FASTKD2: variants seen among roughly 807,000 people sequenced by gnomAD.
The protein encoded by FASTKD2 is FAST kinase domain-containing protein 2, mitochondrial.
FASTKD2 carries 51 observed loss-of-function variants against 63.6 expected under a neutral mutation model. The ratio of observed to expected loss-of-function variants is 0.80; its 90% confidence interval spans 0.64 to 1.01. The LOEUF (loss-of-function observed/expected upper bound fraction) is 1.01, where lower values mean the gene tolerates loss of function less well. Among genes scored for constraint, FASTKD2 ranks in the 50% least tolerant of loss-of-function variants. The probability of loss-of-function intolerance (pLI) is 0.00; values close to 1 mark genes in which losing one functional copy is unlikely to be tolerated. For synonymous variants in FASTKD2, 284 were observed against 293.4 expected (o/e 0.97, Z 0.33); for missense variants, 786 against 831.1 (o/e 0.95, Z 0.67).
chr2:206,779,155 A>G (rs1689901712), intron 7 of FASTKD2, among the ~76,000 whole-genome samples: 1 of 152,090 alleles, frequency 6.6e-6, no homozygotes, highest in Non-Finnish European at 1.5e-5. Flanking sequence ...CCTTGTGACA[A>G]TTTTTAACTT....
intron 7 of FASTKD2, among the ~76,000 whole-genome samples, chr2:206,784,918 A>G (rs1690096471): frequency 3.3e-5 from 5 of 152,248 alleles, no homozygotes; most frequent in South Asian, 4.1e-4. Context: ...TAAATATAGC[A>G]TGAAAATTCG....
At position 206,786,814 on chromosome 2, in the gene FASTKD2, T is replaced by C; in HGVS notation, c.1509T>C (p.Tyr503=). The change falls in exon 8 of 12, where the codon TAT becomes TAC. Residue 503 remains tyrosine, a synonymous_variant. Coordinates refer to ENST00000402774, the MANE Select transcript of FASTKD2 (RefSeq NM_001136193.2). ...ISSENLLDAV[Y]SFCLMNYFPL... ...CTGAAAACTTATTGGATGCAGTATA[T>C]TCATTTTGCTTGATGAATTACTTTC... 6.2e-7 allele frequency: 1 copy of C among 1,613,606 alleles called. No individual in the cohort carries two copies. The highest frequency in any genetic ancestry group is 1.1e-5 in the South Asian group (1 of 91,062).
At chr2:206,780,527 T>C (rs1689944527) in intron 7 of FASTKD2, among the ~76,000 whole-genome samples, 1 of 152,184 alleles carries the variant, frequency 6.6e-6, no homozygotes, top group Non-Finnish European at 1.5e-5. Context: ...GAGATACGAG[T>C]TGCTTTTAAA....
rs1689717739 is a variant in FASTKD2, at chr2:206,772,696, A to G, written c.1254+376A>G. Among the ~76,000 whole-genome samples, 3 of 152,208 alleles carry G rather than the reference A, an allele frequency of 2.0e-5. No individual in the cohort carries two copies. The South Asian group carries it at 6.2e-4, about 31-fold the overall frequency. ...GTCGCAGCTCCCAATCAGCTGTGCA[A>G]TCATGAGGGTAAACAATGCATATTG... On this transcript the variant is annotated intron_variant, in intron 6 of 11. Transcript: ENST00000402774.
At chr2:206,774,867 T>C (rs756768358) in intron 7 of FASTKD2, among the ~76,000 whole-genome samples, 5 of 152,076 alleles carry the variant, frequency 3.3e-5, no homozygotes, top group African/African-American at 4.8e-5. Context: ...TCATCTTGCA[T>C]AACTGAAACT....
At chr2:206,790,428 A>T (rs1559367270) in intron 10 of FASTKD2, 144 bp from the exon 11 acceptor site, 1 of 677,092 alleles carries the variant, frequency 1.5e-6, no homozygotes, top group Non-Finnish European at 2.7e-6. Context: ...GAGGCCAAGT[A>T]AAAGAAGTGA....
Position 206,771,164 on chromosome 2 carries a change from T to C in FASTKD2, c.882-18T>C. 1.5e-6 allele frequency: 2 copies of C among 1,348,202 alleles called. No homozygotes were observed. Among genetic ancestry groups the C allele is most frequent in the South Asian group, 1.2e-5 (1 of 85,290 alleles). 83.5% of individuals were successfully genotyped at this position (1,348,202 alleles called of 1,614,324 possible). On this transcript the variant is annotated intron_variant, in intron 3 of 11. Coordinates refer to ENST00000402774, the MANE Select transcript of FASTKD2 (RefSeq NM_001136193.2). ...TTGAAGATTCTATGATTTTAATATTTATTGTGTTTGATAACAGAATACTAG... is the reference window on the plus strand; with the variant it reads ...TTGAAGATTCTATGATTTTAATATTCATTGTGTTTGATAACAGAATACTAG...
rs374514214 is a variant in FASTKD2 at position 206,791,757 on chromosome 2, A to T, written c.2088A>T (p.Val696=). Residue 696 remains valine (V), a synonymous_variant, in exon 12 of 12, where the codon GTA becomes GTT. Coordinates refer to ENST00000402774, the MANE Select transcript of FASTKD2 (RefSeq NM_001136193.2). Reference sequence around the variant, plus strand: ...TTTTGAAGACTAAAATCTATTCAGTAGAAGCTCTTCCTGTTGCTGCTGTAA... The same window carrying T: ...TTTTGAAGACTAAAATCTATTCAGTTGAAGCTCTTCCTGTTGCTGCTGTAA... ...VTFLKTKIYS[V]EALPVAAVNV... 4 of 1,613,046 alleles carry T rather than the reference A, an allele frequency of 2.5e-6. No homozygotes were observed. The highest frequency in any genetic ancestry group is 3.4e-6 in the Non-Finnish European group (4 of 1,179,324).
intron 7 of FASTKD2, among the ~76,000 whole-genome samples, chr2:206,774,970 A>G (rs1689783591): frequency 6.6e-6 from 1 of 151,964 alleles, no homozygotes; most frequent in African/African-American, 2.4e-5. Flanking sequence ...TGACCTTTTT[A>G]GATACTTTAT....
intron 8 of FASTKD2, among the ~76,000 whole-genome samples, chr2:206,787,543 A>G (rs1407215039): frequency 1.3e-5 from 2 of 152,234 alleles, no homozygotes; most frequent in African/African-American, 4.8e-5. Context: ...GTCAGTCAAT[A>G]ATACCACGTG....
intron 9 of FASTKD2, 84 bp downstream of exon 9, chr2:206,788,239 G>T: frequency 1.1e-6 from 1 of 939,126 alleles, no homozygotes; most frequent in South Asian, 1.5e-5. Flanking sequence ...ATTTGTGGCA[G>T]CAGTTTAGTG....
At chr2:206,772,568 C>T (rs1003577852) in intron 6 of FASTKD2, among the ~76,000 whole-genome samples, 6 of 152,188 alleles carry the variant, frequency 3.9e-5, no homozygotes, top group East Asian at 1.9e-4. Context: ...AAAAGCAATA[C>T]GCATTCAGTA....
rs1690445157 is a variant in FASTKD2 at position 206,796,029 on chromosome 2, G to A, written c.*4227G>A. 6.6e-6 allele frequency among the ~76,000 whole-genome samples: 1 copy of A among 152,134 alleles called. No individual in the cohort carries two copies. The highest frequency in any genetic ancestry group is 2.4e-5 in the African/African-American group (1 of 41,424). On this transcript the variant is annotated 3_prime_UTR_variant, in exon 12 of 12. Transcript: ENST00000402774. ...TTTCCATTCATCTTGTAAGCAGGAG[G>A]CTTCTGTGCATGGCCAGAAACTAAC...
intron 7 of FASTKD2, among the ~76,000 whole-genome samples, chr2:206,784,426 C>T (rs1463089195): frequency 1.3e-5 from 2 of 152,238 alleles, no homozygotes; most frequent in African/African-American, 2.4e-5. Flanking sequence ...TGTATACCCA[C>T]ATGCTATACA....
intron 7 of FASTKD2, among the ~76,000 whole-genome samples, chr2:206,784,112 T>A (rs1214050699): frequency 6.6e-6 from 1 of 152,244 alleles, no homozygotes. Context: ...GATTAATTAG[T>A]CACCATTTCC....
In FASTKD2 at chr2:206,795,790, C is replaced by A. The variant is rs765850153; in HGVS notation, c.*3988C>A. ...TCTAGAAGAGCAATAACAGAGACCC[C>A]AGGGTGTGGTGTGGCAGGACGAGGA... On this transcript the variant is annotated 3_prime_UTR_variant, in exon 12 of 12. Coordinates refer to ENST00000402774, the MANE Select transcript of FASTKD2 (RefSeq NM_001136193.2). Among the ~76,000 whole-genome samples the A allele has an allele frequency of 6.6e-6, 1 of 152,202 alleles. No homozygotes were observed. Among genetic ancestry groups the A allele is most frequent in the Non-Finnish European group, 1.5e-5 (1 of 68,034 alleles).
At chr2:206,786,616 A>G in intron 7 of FASTKD2, 117 bp from the exon 8 acceptor site, 1 of 883,264 alleles carries the variant, frequency 1.1e-6, no homozygotes. Flanking sequence ...CCAACTGTCC[A>G]GAATGATGTG....
intron 4 of FASTKD2, 83 bp from the exon 5 acceptor site, chr2:206,771,811 C>G: frequency 8.7e-7 from 1 of 1,151,510 alleles, no homozygotes; most frequent in Non-Finnish European, 1.3e-6. Flanking sequence ...GGTGACAGCA[C>G]AAGACCCTGT....
rs1689692726 is a variant in FASTKD2 at position 206,771,918 on chromosome 2, A to G, written c.1015A>G (p.Arg339Gly). ...GATGAAAGCCTTGAGGGAATTAGAC[A>G]GATTTTCTGTTTTGAATAGCCAACA... is the stretch of plus-strand genomic sequence containing the variant. ...LEMKALRELD[R>G]FSVLNSQHMF... Residue 339 changes from arginine to glycine, a missense_variant, in exon 5 of 12, where the codon AGA (arginine) becomes GGA (glycine). Transcript: ENST00000402774. 6.2e-7 allele frequency: 1 copy of G among 1,607,436 alleles called. No homozygotes were observed. The highest frequency in any genetic ancestry group is 1.1e-5 in the South Asian group (1 of 90,930).
Sources: gnomAD v4.1 joint callset for allele counts (sites outside exome capture counted in the v4.1 genomes callset) on GRCh38, gnomAD v4.1.1 for gene constraint, MANE v1.5 for transcripts, NCBI Gene and HGNC (gene_info 2026-07-23, HGNC 2026-07-21) for gene names.